Variants in SLC8A3 observed in about 807,000 individuals in gnomAD.
SLC8A3 encodes sodium/calcium exchanger 3.
SLC8A3 carries 37 observed loss-of-function variants against 65.4 expected under a neutral mutation model. That is an observed-to-expected ratio of 0.57 (90% confidence interval 0.44 to 0.74). The LOEUF (loss-of-function observed/expected upper bound fraction) is 0.74. Among genes scored for constraint, SLC8A3 ranks in the 30% least tolerant of loss-of-function variants. SLC8A3 has a pLI of 0.00. For synonymous variants in SLC8A3, 461 were observed against 444.5 expected (o/e 1.04, Z -0.47); for missense variants, 1,112 against 1,172.1 (o/e 0.95, Z 0.75).
chr14:70,170,992 A>G (rs1897492312), intron 1 of SLC8A3, among the ~76,000 whole-genome samples: 1 of 152,210 alleles, frequency 6.6e-6, no homozygotes, highest in African/African-American at 2.4e-5. Flanking sequence ...GTCATCAATG[A>G]TGTGCACAAA....
At chr14:70,143,226 C>A (rs1056993208) in intron 2 of SLC8A3, among the ~76,000 whole-genome samples, 1 of 152,200 alleles carries the variant, frequency 6.6e-6, no homozygotes, top group African/African-American at 2.4e-5. Context: ...GAGGCCTGTG[C>A]AAGTGCTTAT....
chr14:70,153,624 GC>G (rs1308965163), intron 2 of SLC8A3, among the ~76,000 whole-genome samples: 1 of 152,190 alleles, frequency 6.6e-6, no homozygotes, highest in Admixed American at 6.5e-5. Context: ...CAGGGACTGT[GC>G]CTTTCTTCCC....
intron 2 of SLC8A3, among the ~76,000 whole-genome samples, chr14:70,065,151 C>T (rs867558383): frequency 1.3e-5 from 2 of 152,194 alleles, no homozygotes; most frequent in Middle Eastern, 3.4e-3. Flanking sequence ...CTTCAGTCTC[C>T]TTTTTTTCTT....
rs2139671539 is a variant in SLC8A3 at position 70,046,051 on chromosome 14, G to A, written c.2662C>T (p.Pro888Ser). The change falls in exon 7 of 7, where the codon CCC (proline) becomes TCC (serine). Residue 888 changes from proline to serine, a missense_variant. Transcript: ENST00000356921. The surrounding 1 kb of genome is among the most constrained non-coding windows in gnomAD (Gnocchi z 4.2). ...RPHLGGELGG[P>S]RGCKLATTWL... ...GTTGTGGCGAGCTTGCAGCCACGGG[G>A]GCCACCAAGCTCCCCTCCCAGGTGC... 1.9e-6 allele frequency: 3 copies of A among 1,613,948 alleles called. No individual in the cohort carries two copies. The highest frequency in any genetic ancestry group is 4.5e-5 in the East Asian group (2 of 44,892).
chr14:70,176,386 C>G (rs1038494097), intron 1 of SLC8A3, among the ~76,000 whole-genome samples: 1 of 152,210 alleles, frequency 6.6e-6, no homozygotes, highest in Non-Finnish European at 1.5e-5. Flanking sequence ...CTAAAAAATA[C>G]AGACATCTAG....
intron 2 of SLC8A3, among the ~76,000 whole-genome samples, chr14:70,062,377 C>A (rs1194147913): frequency 6.6e-6 from 1 of 152,166 alleles, no homozygotes; most frequent in African/African-American, 2.4e-5. Flanking sequence ...ACCACATCTA[C>A]AATAGTGGTC....
chr14:70,132,193 A>G (rs1174149038), intron 2 of SLC8A3, among the ~76,000 whole-genome samples: 5 of 152,238 alleles, frequency 3.3e-5, no homozygotes, highest in Non-Finnish European at 5.9e-5. Flanking sequence ...TTTGGTGGTC[A>G]CTTCTTGCTT....
At chr14:70,097,895 T>C (rs1892294814) in intron 2 of SLC8A3, among the ~76,000 whole-genome samples, 1 of 152,170 alleles carries the variant, frequency 6.6e-6, no homozygotes, top group Non-Finnish European at 1.5e-5. Context: ...CCAGCACCAA[T>C]TACATGGTAG....
rs72729869 is a variant in SLC8A3 at position 70,088,378 on chromosome 14, T to A, written c.1785-27439A>T. ...GATACTGCTCTTTCTTTCCTAAGGA[T>A]TGCTTTAGAAGCAAATCCCTGAGAG... On this transcript the variant is annotated intron_variant, in intron 2 of 6. Coordinates refer to ENST00000356921, the MANE Select transcript of SLC8A3 (RefSeq NM_182932.3). Among the ~76,000 whole-genome samples, 1,043 of 152,292 alleles carry A rather than the reference T, an allele frequency of 6.8e-3. 8 individuals carry two copies. Among genetic ancestry groups the A allele is most frequent in the Non-Finnish European group, 0.011 (765 of 68,012 alleles).
At chr14:70,089,808 G>A (rs148870304) in intron 2 of SLC8A3, among the ~76,000 whole-genome samples, 2,004 of 152,208 alleles carry the variant, frequency 0.013, 17 homozygotes, top group Non-Finnish European at 0.018. Context: ...TCCCCCAAAA[G>A]ATAATTTCTT....
intron 1 of SLC8A3, among the ~76,000 whole-genome samples, chr14:70,184,780 T>TA (rs749870879): frequency 6.6e-6 from 1 of 152,200 alleles, no homozygotes; most frequent in Non-Finnish European, 1.5e-5. Context: ...CCTCTGTACT[T>TA]AGCACATGCC....
At chr14:70,066,055 G>T (rs766718993) in intron 2 of SLC8A3, among the ~76,000 whole-genome samples, 3 of 152,194 alleles carry the variant, frequency 2.0e-5, no homozygotes, top group African/African-American at 4.8e-5. Context: ...TCTTAGGTGG[G>T]GACAAGAGAA....
intron 2 of SLC8A3, among the ~76,000 whole-genome samples, chr14:70,130,367 C>T (rs1319969002): frequency 1.3e-5 from 2 of 152,220 alleles, no homozygotes; most frequent in African/African-American, 2.4e-5. Context: ...GGGGCAGATG[C>T]TGGGTTGCCC....
At chr14:70,153,994 G>T (rs1237637930) in intron 2 of SLC8A3, among the ~76,000 whole-genome samples, 1 of 152,232 alleles carries the variant, frequency 6.6e-6, no homozygotes, top group East Asian at 1.9e-4. Flanking sequence ...CTGCAGACCA[G>T]CTCAGGTGAG....
At chr14:70,179,022 C>T (rs1396607362) in intron 1 of SLC8A3, among the ~76,000 whole-genome samples, 1 of 152,188 alleles carries the variant, frequency 6.6e-6, no homozygotes, top group African/African-American at 2.4e-5. Context: ...TTTTGTTTTG[C>T]TCCACCCATA....
At chr14:70,126,577 C>CTT (rs1894470083) in intron 2 of SLC8A3, among the ~76,000 whole-genome samples, 1 of 118,238 alleles carries the variant, frequency 8.5e-6, no homozygotes, top group African/African-American at 3.5e-5. Context: ...CTCTCACACA[C>CTT]ACACACACAC....
intron 2 of SLC8A3, among the ~76,000 whole-genome samples, chr14:70,145,823 A>G (rs1241888779): frequency 5.9e-5 from 9 of 152,150 alleles, no homozygotes; most frequent in Admixed American, 2.6e-4. Context: ...GTTGTGGACT[A>G]ACAAGCTGTG....
At position 70,188,668 on chromosome 14, in the gene SLC8A3, A is replaced by G. The variant is rs7159975; in HGVS notation, c.-352T>C. On this transcript the variant is annotated 5_prime_UTR_variant, in exon 1 of 7. Transcript: ENST00000356921. ...GGGGCCCCGGGAGGGGTCCTTCCGC[A>G]CGGATTTCAGAAAGAGGGAAACCCC... The G allele has an allele frequency of 0.98, 148,519 of 152,244 alleles. 72,554 individuals carry two copies. The highest frequency in any genetic ancestry group is 1 in the East Asian group (5,116 of 5,116). The allele number at this position is 152,244 out of a possible 1,614,324, so 9.4% of individuals were successfully genotyped here.
intron 1 of SLC8A3, among the ~76,000 whole-genome samples, chr14:70,185,963 T>C (rs1481158422): frequency 6.6e-6 from 1 of 152,180 alleles, no homozygotes; most frequent in Non-Finnish European, 1.5e-5. Flanking sequence ...AATAAACAAA[T>C]ATTTTTCTTT....
Sources: gnomAD v4.1 joint callset for allele counts (sites outside exome capture counted in the v4.1 genomes callset) on GRCh38, gnomAD v4.1.1 for gene constraint, Gnocchi (gnomAD v3.1) non-coding constraint, MANE v1.5 for transcripts, NCBI Gene and HGNC (gene_info 2026-07-23, HGNC 2026-07-21) for gene names.